Variants in GAS2 observed in about 807,000 individuals in gnomAD.
GAS2 encodes growth arrest-specific protein 2.
A neutral mutation model predicts 37.5 loss-of-function variants in GAS2; 20 were observed. That is an observed-to-expected ratio of 0.53 (90% CI 0.37 to 0.77). The LOEUF (loss-of-function observed/expected upper bound fraction) is 0.77, where lower values mean the gene tolerates loss of function less well. GAS2 is among the 30% of genes least tolerant of loss of function. The pLI, the probability that GAS2 is intolerant of heterozygous loss-of-function variation, is 0.00. For missense variants in GAS2, 336 were observed against 373.4 expected (o/e 0.90, Z 0.82); for synonymous variants, 144 against 132.2 (o/e 1.09, Z -0.61).
chr11:22,737,166 C>A (rs1020456663), intron 4 of GAS2, among the ~76,000 whole-genome samples: 2 of 152,056 alleles, frequency 1.3e-5, no homozygotes, highest in Non-Finnish European at 2.9e-5. Flanking sequence ...ATTAGAAGGG[C>A]ACATGAAGTG....
At chr11:22,776,602 C>T (rs1855273082) in intron 7 of GAS2, among the ~76,000 whole-genome samples, 1 of 152,092 alleles carries the variant, frequency 6.6e-6, no homozygotes, top group Non-Finnish European at 1.5e-5. Flanking sequence ...ATTTACCTTT[C>T]TGTTAAAATT....
intron 3 of GAS2, among the ~76,000 whole-genome samples, chr11:22,701,560 G>C (rs1342391698): frequency 6.6e-6 from 1 of 152,198 alleles, no homozygotes; most frequent in Non-Finnish European, 1.5e-5. Flanking sequence ...TGGGCGCGGT[G>C]GCTCACGCCT....
Position 22,627,641 on chromosome 11 carries a change from G to A in GAS2, c.-21+1828G>A, listed in dbSNP as rs190147165. On this transcript the variant is annotated intron_variant, in intron 1 of 5. Transcript: ENST00000528582. ...AACAAAAAAATTAGCTGGGCATGGC[G>A]GTGCACACCTGTGATCCTAGCTAAT... 3.6e-3 allele frequency among the ~76,000 whole-genome samples: 548 copies of A among 152,154 alleles called. 1 individual carries two copies. The highest frequency in any genetic ancestry group is 5.8e-3 in the Non-Finnish European group (393 of 68,012).
chr11:22,787,915 C>T (rs1191487470), intron 7 of GAS2, among the ~76,000 whole-genome samples: 4 of 152,202 alleles, frequency 2.6e-5, no homozygotes, highest in African/African-American at 7.2e-5. Flanking sequence ...TTTATTGGTT[C>T]GCATTTCTTT....
At chr11:22,803,541 G>C (rs1049484999) in intron 7 of GAS2, among the ~76,000 whole-genome samples, 1 of 152,052 alleles carries the variant, frequency 6.6e-6, no homozygotes, top group African/African-American at 2.4e-5. Flanking sequence ...ATGGAATAAA[G>C]GATTCTTGTC....
At chr11:22,770,943 T>C (rs1250493000) in intron 7 of GAS2, among the ~76,000 whole-genome samples, 1 of 152,186 alleles carries the variant, frequency 6.6e-6, no homozygotes. Flanking sequence ...TTCATGGTTG[T>C]GACTATATCT....
chr11:22,668,293 T>C (rs380020), intron 1 of GAS2: 148,383 of 152,732 alleles, frequency 0.97, 72,253 homozygotes, highest in Middle Eastern at 1. Flanking sequence ...CTCTGGTGGT[T>C]CTCTCCAACA....
At chr11:22,771,032 G>A (rs1362918959) in intron 7 of GAS2, among the ~76,000 whole-genome samples, 1 of 151,924 alleles carries the variant, frequency 6.6e-6, no homozygotes, top group Non-Finnish European at 1.5e-5. Context: ...CTTTCACTGT[G>A]GTGCCTTGGC....
At chr11:22,797,348 G>GA (rs1271557362) in intron 7 of GAS2, among the ~76,000 whole-genome samples, 1 of 152,048 alleles carries the variant, frequency 6.6e-6, no homozygotes, top group East Asian at 1.9e-4. Flanking sequence ...TTATGAAGCT[G>GA]AATTCCCTCC....
At chr11:22,719,582 A>G (rs558383694) in intron 3 of GAS2, among the ~76,000 whole-genome samples, 1 of 152,112 alleles carries the variant, frequency 6.6e-6, no homozygotes. Flanking sequence ...AATTACATAC[A>G]GAATAGTTTC....
chr11:22,749,371 G>T lies in GAS2; in HGVS notation c.615+110G>T, dbSNP rs893065813. 1.4e-5 allele frequency: 15 copies of T among 1,037,408 alleles called. No individual in the cohort carries two copies. In the Admixed American group the frequency reaches 3.4e-4, roughly 23 times the overall value. 64.3% of individuals were successfully genotyped at this position (1,037,408 alleles called of 1,614,324 possible). A position where few individuals can be genotyped will look rare whatever the true frequency, so the allele number is the denominator to read the frequency against. On this transcript the variant is annotated intron_variant, in intron 6 of 7. Transcript: ENST00000454584. Reference sequence around the variant, plus strand: ...AATCTTTACCTATATCAATTTTCTTGAAATGTATTTTAAGCCCATATGAAA... The same window carrying T: ...AATCTTTACCTATATCAATTTTCTTTAAATGTATTTTAAGCCCATATGAAA...
intron 7 of GAS2, among the ~76,000 whole-genome samples, chr11:22,803,805 C>T (rs972619109): frequency 6.6e-6 from 1 of 152,052 alleles, no homozygotes; most frequent in African/African-American, 2.4e-5. Context: ...CTCACATATT[C>T]TGAAAAGGGA....
Position 22,626,128 on chromosome 11 carries a change from C to T in GAS2, c.-21+315C>T, listed in dbSNP as rs544623766. 2.8e-4 allele frequency: 93 copies of T among 331,942 alleles called. No individual in the cohort carries two copies. The East Asian group carries it at 4.2e-3, about 15-fold the overall frequency. The allele number at this position is 331,942 out of a possible 1,614,324, so 20.6% of individuals were successfully genotyped here. A position where few individuals can be genotyped will look rare whatever the true frequency, so the allele number is the denominator to read the frequency against. On this transcript the variant is annotated intron_variant, in intron 1 of 5. Transcript: ENST00000528582. Reference sequence around the variant, plus strand: ...GCGCTTCCTTTCGCTTTGGAAATATCCTTAAGTAGAAATTTTCTGAGCTTT... The same window carrying T: ...GCGCTTCCTTTCGCTTTGGAAATATTCTTAAGTAGAAATTTTCTGAGCTTT...
At chr11:22,765,368 T>G (rs1402382699) in intron 7 of GAS2, among the ~76,000 whole-genome samples, 1 of 152,212 alleles carries the variant, frequency 6.6e-6, no homozygotes, top group East Asian at 1.9e-4. Flanking sequence ...TCAGGTTGAT[T>G]TTTCTACAAC....
intron 5 of GAS2, among the ~76,000 whole-genome samples, chr11:22,742,720 T>G (rs1565121263): frequency 5.3e-5 from 8 of 152,126 alleles, no homozygotes; most frequent in Admixed American, 5.2e-4. Flanking sequence ...GTTACCAATT[T>G]TATTCAAACC....
intron 5 of GAS2, among the ~76,000 whole-genome samples, chr11:22,739,960 A>G (rs1053070698): frequency 1.3e-5 from 2 of 151,824 alleles, no homozygotes; most frequent in East Asian, 1.9e-4. Flanking sequence ...ATTTTATTTT[A>G]TATATTGTTA....
chr11:22,792,168 C>T (rs1336009192), intron 7 of GAS2, among the ~76,000 whole-genome samples: 1 of 152,078 alleles, frequency 6.6e-6, no homozygotes, highest in Admixed American at 6.6e-5. Flanking sequence ...CATAAGAAAA[C>T]ACATATCATT....
At chr11:22,746,003 C>A (rs1182828711) in intron 5 of GAS2, among the ~76,000 whole-genome samples, 3 of 151,912 alleles carry the variant, frequency 2.0e-5, no homozygotes, top group Admixed American at 2.0e-4. Context: ...ACAAAAACTC[C>A]ACCTTTACAA....
intron 7 of GAS2, among the ~76,000 whole-genome samples, chr11:22,799,720 T>C (rs1486798240): frequency 6.6e-6 from 1 of 152,106 alleles, no homozygotes; most frequent in Non-Finnish European, 1.5e-5. Flanking sequence ...AAATAAGCAA[T>C]GCAGATATAA....
Sources: allele counts gnomAD v4.1 joint callset (sites outside exome capture counted in the v4.1 genomes callset), GRCh38; gene constraint gnomAD v4.1.1; transcripts MANE v1.5; gene names NCBI Gene and HGNC (gene_info 2026-07-23, HGNC 2026-07-21).